The following ALPK1 variants were observed in gnomAD, a reference collection of about 807,000 sequenced individuals.
ALPK1 encodes the protein alpha kinase 1, also known as alpha-protein kinase 1.
ALPK1 carries 110 observed loss-of-function variants against 120.6 expected under a neutral mutation model. That is an observed-to-expected ratio of 0.91 (90% CI 0.78 to 1.07). The LOEUF (loss-of-function observed/expected upper bound fraction) is 1.07. ALPK1 is among the 50% of genes least tolerant of loss of function. ALPK1 has a pLI of 0.00. For missense variants in ALPK1, 1,498 were observed against 1,483.9 expected (o/e 1.01, Z -0.16); for synonymous variants, 582 against 560.3 (o/e 1.04, Z -0.55).
intron 2 of ALPK1, among the ~76,000 whole-genome samples, chr4:112,360,459 G>T (rs1453742169): frequency 6.6e-6 from 1 of 152,120 alleles, no homozygotes; most frequent in Non-Finnish European, 1.5e-5. Context: ...TTTTTTGTGT[G>T]TGTATGGAAA....
intron 4 of ALPK1, among the ~76,000 whole-genome samples, chr4:112,398,945 A>T (rs772598287): frequency 6.6e-6 from 1 of 152,370 alleles, no homozygotes; most frequent in East Asian, 1.9e-4. Flanking sequence ...TGAATGAGTC[A>T]TCACTACAGA....
chr4:112,297,449 C>T lies in ALPK1; in HGVS notation c.-173C>T, dbSNP rs1241054751. The T allele has an allele frequency of 6.6e-6, 1 of 151,836 alleles. No homozygotes were observed. The highest frequency in any genetic ancestry group is 1.9e-4 in the East Asian group (1 of 5,178). The allele number at this position is 151,836 out of a possible 1,614,324, so 9.4% of individuals were successfully genotyped here. ...AGTTAGATTTGCTGGTCTTAAAGTA[C>T]TTTTCCTCTTTAAGATAAAAGTGAG... is the stretch of plus-strand genomic sequence containing the variant. On this transcript the variant is annotated 5_prime_UTR_variant, in exon 1 of 16. Coordinates refer to ENST00000650871, the MANE Select transcript of ALPK1 (RefSeq NM_025144.4).
chr4:112,303,723 T>C (rs1165085216), intron 1 of ALPK1, among the ~76,000 whole-genome samples: 2 of 152,132 alleles, frequency 1.3e-5, no homozygotes, highest in Non-Finnish European at 1.5e-5. Context: ...ATCTTTTTTT[T>C]TTTTAATCAT....
intron 11 of ALPK1, among the ~76,000 whole-genome samples, chr4:112,434,336 G>A (rs555413956): frequency 1.3e-5 from 2 of 152,008 alleles, no homozygotes; most frequent in African/African-American, 4.8e-5. Context: ...TCACCATCCC[G>A]CCCAGCCCAC....
At chr4:112,322,875 TA>T (rs1156737041) in intron 2 of ALPK1, among the ~76,000 whole-genome samples, 13 of 152,246 alleles carry the variant, frequency 8.5e-5, no homozygotes, top group Non-Finnish European at 1.2e-4. Flanking sequence ...ATAACATTAC[TA>T]AAGAGTATTT....
intron 4 of ALPK1, chr4:112,383,897 A>G (rs1323018592): frequency 6.6e-6 from 1 of 152,206 alleles, no homozygotes; most frequent in East Asian, 1.9e-4. Flanking sequence ...GAACCCTTAC[A>G]TTAGTGTACA....
intron 4 of ALPK1, chr4:112,384,512 T>G (rs760566216): frequency 5.3e-5 from 8 of 152,252 alleles, no homozygotes; most frequent in Non-Finnish European, 1.2e-4. Flanking sequence ...TATTGGACAG[T>G]GCAGCTCTAA....
At chr4:112,391,568 C>A (rs1353849832) in intron 4 of ALPK1, among the ~76,000 whole-genome samples, 2 of 152,012 alleles carry the variant, frequency 1.3e-5, no homozygotes, top group Admixed American at 1.3e-4. Flanking sequence ...GTAGGGTGAG[C>A]CCTTAAGCCA....
chr4:112,418,419 G>A (rs1019928561), intron 5 of ALPK1, among the ~76,000 whole-genome samples: 6 of 152,228 alleles, frequency 3.9e-5, no homozygotes, highest in Admixed American at 3.3e-4. Context: ...ACTGACTGCC[G>A]GGTTCGGCTG....
intron 5 of ALPK1, among the ~76,000 whole-genome samples, chr4:112,413,606 A>C (rs1354447733): frequency 6.6e-6 from 1 of 152,126 alleles, no homozygotes; most frequent in African/African-American, 2.4e-5. Flanking sequence ...TTTTGTAAAG[A>C]CTGGGTTTTG....
At chr4:112,305,110 T>A (rs1470619568) in intron 1 of ALPK1, among the ~76,000 whole-genome samples, 1 of 152,076 alleles carries the variant, frequency 6.6e-6, no homozygotes, top group Admixed American at 6.5e-5. Flanking sequence ...TTGATCTATA[T>A]CTCTGTTTTG....
intron 11 of ALPK1, among the ~76,000 whole-genome samples, chr4:112,433,496 A>G (rs1734666272): frequency 6.6e-6 from 1 of 152,192 alleles, no homozygotes; most frequent in South Asian, 2.1e-4. Context: ...AAAAACTTCC[A>G]GACTACAGTA....
Position 112,438,431 on chromosome 4 carries a change from TAGTA to T in ALPK1, c.3189-46_3189-43del, listed in dbSNP as rs1424782761. The T allele has an allele frequency of 7.0e-6, 11 of 1,573,770 alleles. No homozygotes were observed. The Admixed American group carries it at 1.4e-4, about 20-fold the overall frequency. Reference sequence around the variant, plus strand: ...TTTTGATCTCCTCTCTCTTACTCCATAGTAAGTAAGACCACTTTTGCATTTTGTT... The same window carrying T: ...TTTTGATCTCCTCTCTCTTACTCCATAGTAAGACCACTTTTGCATTTTGTT... On this transcript the variant is annotated intron_variant, in intron 12 of 15. Transcript: ENST00000650871.
At chr4:112,397,696 T>C (rs1732712194) in intron 4 of ALPK1, among the ~76,000 whole-genome samples, 1 of 152,194 alleles carries the variant, frequency 6.6e-6, no homozygotes, top group South Asian at 2.1e-4. Flanking sequence ...AAAATGTACA[T>C]AATTTATATC....
At chr4:112,433,622 A>T (rs1734670129) in intron 11 of ALPK1, among the ~76,000 whole-genome samples, 1 of 152,202 alleles carries the variant, frequency 6.6e-6, no homozygotes, top group African/African-American at 2.4e-5. Context: ...CACAGCTTAA[A>T]AGTGGTAGAG....
intron 2 of ALPK1, chr4:112,357,111 C>T: frequency 1.7e-6 from 2 of 1,191,212 alleles, no homozygotes; most frequent in Non-Finnish European, 2.4e-6. Flanking sequence ...CTGGAAGGGG[C>T]CATCGATGCT....
In ALPK1 at chr4:112,423,965, A is replaced by C; in HGVS notation, c.497A>C (p.Tyr166Ser). 6.2e-7 allele frequency: 1 copy of C among 1,614,058 alleles called. No homozygotes were observed. Among genetic ancestry groups the C allele is most frequent in the Non-Finnish European group, 8.5e-7 (1 of 1,179,996 alleles). ...TCAGGAAAACTTTTAAAAGCAGAGT[A>C]TATTCTGAGCAGTCTAATAAGCAAC... is the stretch of plus-strand genomic sequence containing the variant. ...VNSGKLLKAE[Y>S]ILSSLISNNG... Residue 166 changes from tyrosine to serine, a missense_variant, in exon 6 of 16, where the codon TAT becomes TCT. Transcript: ENST00000650871.
intron 4 of ALPK1, among the ~76,000 whole-genome samples, chr4:112,393,929 A>AATAT (rs3079191): frequency 6.0e-5 from 9 of 150,132 alleles, no homozygotes; most frequent in East Asian, 3.9e-4. Flanking sequence ...ACATGTGTGA[A>AATAT]ATATATATAT....
chr4:112,305,757 C>T (rs1368772177), intron 1 of ALPK1, among the ~76,000 whole-genome samples: 6 of 151,994 alleles, frequency 3.9e-5, no homozygotes, highest in Non-Finnish European at 7.3e-5. Flanking sequence ...TCCTGCCTGA[C>T]TGCCCTGGCC....
Sources: gnomAD v4.1 joint callset for allele counts (sites outside exome capture counted in the v4.1 genomes callset) on GRCh38, gnomAD v4.1.1 for gene constraint, MANE v1.5 for transcripts, NCBI Gene and HGNC (gene_info 2026-07-23, HGNC 2026-07-21) for gene names.